Variants in E4F1 observed in about 807,000 individuals in gnomAD.
E4F1 encodes transcription factor E4F1.
Under a neutral mutation model 72.9 loss-of-function variants are expected in E4F1, and 30 were observed. That is an observed-to-expected ratio of 0.41 (90% CI 0.31 to 0.56). E4F1 has a LOEUF of 0.56. Ranked by LOEUF, E4F1 falls within the 20% of genes least tolerant of loss-of-function variation. The probability of loss-of-function intolerance (pLI) is 0.25; values close to 1 mark genes in which losing one functional copy is unlikely to be tolerated. For missense variants in E4F1, 1,091 were observed against 1,117.5 expected (o/e 0.98, Z 0.34); for synonymous variants, 542 against 478.2 (o/e 1.13, Z -1.74).
chr16:2,228,540 T>G lies in E4F1; in HGVS notation c.309+17T>G. 6.2e-7 allele frequency: 1 copy of G among 1,606,582 alleles called. No individual in the cohort carries two copies. Among genetic ancestry groups the G allele is most frequent in the East Asian group, 2.2e-5 (1 of 44,656 alleles). ...GGCCAGGAGGTGAGCCCTCACCCAC[T>G]CCCCCATCCCCTCCCGGGTTCACCT... On this transcript the variant is annotated intron_variant, in intron 2 of 13. Transcript: ENST00000301727.
chr16:2,224,517 C>T (rs981539427), intron 1 of E4F1, among the ~76,000 whole-genome samples: 4 of 152,150 alleles, frequency 2.6e-5, no homozygotes, highest in East Asian at 1.9e-4. Context: ...GGGCTGGGTG[C>T]GGTGGCTCAC....
intron 3 of E4F1, chr16:2,231,954 G>A: frequency 6.7e-6 from 4 of 598,846 alleles, no homozygotes; most frequent in Non-Finnish European, 8.7e-6. Flanking sequence ...TCTCTGGGCA[G>A]CCTGACAGAG....
intron 1 of E4F1, among the ~76,000 whole-genome samples, chr16:2,226,025 A>G (rs1423978815): frequency 2.0e-5 from 3 of 151,972 alleles, no homozygotes; most frequent in Non-Finnish European, 4.4e-5. Context: ...CCCAGGAGGC[A>G]GAGCTTGCAG....
chr16:2,232,453 C>T lies in E4F1; in HGVS notation c.610-3C>T, dbSNP rs780844249. 2 of 1,610,394 alleles carry T rather than the reference C, an allele frequency of 1.2e-6. No homozygotes were observed. Among genetic ancestry groups the T allele is most frequent in the Non-Finnish European group, 1.7e-6 (2 of 1,178,926 alleles). ...CCCTGAGCTGCCACGCCCTCCCCCA[C>T]AGGGCAGCATCCTCAAGGCCCACAT... is the stretch of plus-strand genomic sequence containing the variant. On this transcript the variant is annotated splice_region_variant and splice_polypyrimidine_tract_variant and intron_variant, in intron 4 of 13. Coordinates refer to ENST00000301727, the MANE Select transcript of E4F1 (RefSeq NM_004424.5).
chr16:2,231,363 T>C (rs2141458678), intron 3 of E4F1: 1 of 152,402 alleles, frequency 6.6e-6, no homozygotes, highest in South Asian at 2.1e-4. Context: ...AGATCACTCC[T>C]GGGGCATCGA....
At chr16:2,229,431 G>A (rs949646132) in intron 2 of E4F1, 139 bp from the exon 3 acceptor site, 8 of 819,944 alleles carry the variant, frequency 9.8e-6, no homozygotes, top group East Asian at 2.5e-5. Flanking sequence ...CACCCCAGCC[G>A]TCCCAAGGAC....
At chr16:2,229,916 C>A in intron 3 of E4F1, 1 of 499,950 alleles carries the variant, frequency 2.0e-6, no homozygotes, top group Non-Finnish European at 3.7e-6. Context: ...AGTCATTGGG[C>A]TGTGCTCTCT....
chr16:2,235,338 C>T lies in E4F1; in HGVS notation c.2121C>T (p.Ala707=), dbSNP rs752283262. The change falls in exon 14 of 14, where the codon GCC becomes GCT. Residue 707 remains alanine, a synonymous_variant. Coordinates refer to ENST00000301727, the MANE Select transcript of E4F1 (RefSeq NM_004424.5). The part of the protein sequence containing the change: ...EETALGPEAA[A]ADTITIATPE... Reference sequence around the variant, plus strand: ...CGGCGCTGGGCCCAGAGGCGGCTGCCGCCGACACCATCACCATCGCCACCC... The same window carrying T: ...CGGCGCTGGGCCCAGAGGCGGCTGCTGCCGACACCATCACCATCGCCACCC... 1.2e-5 allele frequency: 20 copies of T among 1,609,936 alleles called. No individual in the cohort carries two copies. The highest frequency in any genetic ancestry group is 2.2e-5 in the East Asian group (1 of 44,882).
chr16:2,229,484 T>C, intron 2 of E4F1, 86 bp from the exon 3 acceptor site: 1 of 1,433,560 alleles, frequency 7.0e-7, no homozygotes, highest in Non-Finnish European at 9.6e-7. Context: ...CTCCACAGCT[T>C]TACACTGGCA....
chr16:2,231,981 C>T, intron 3 of E4F1, 190 bp from the exon 4 acceptor site: 1 of 679,018 alleles, frequency 1.5e-6, no homozygotes, highest in South Asian at 1.9e-5. Flanking sequence ...GGTGTCTCTC[C>T]ACCTCTCACT....
chr16:2,229,766 C>T (rs768941186), intron 3 of E4F1, 91 bp downstream of exon 3: 1 of 1,405,688 alleles, frequency 7.1e-7, no homozygotes, highest in Non-Finnish European at 9.9e-7. Flanking sequence ...CTCGTCTCTC[C>T]CGAGACCAGG....
chr16:2,232,614 C>T (rs773636890), intron 5 of E4F1, 38 bp downstream of exon 5: 1 of 1,609,074 alleles, frequency 6.2e-7, no homozygotes, highest in Non-Finnish European at 8.5e-7. Context: ...CCCGGTAGCA[C>T]CCCGATGGTT....
chr16:2,232,075 G>A, intron 3 of E4F1, 96 bp from the exon 4 acceptor site: 1 of 1,511,618 alleles, frequency 6.6e-7, no homozygotes, highest in South Asian at 1.2e-5. Flanking sequence ...CCAGGGTGTG[G>A]CTCAGAGCAG....
rs371527360 is a variant in E4F1, at chr16:2,235,536, G to A, written c.2319G>A (p.Pro773=). The A allele has an allele frequency of 2.7e-5, 43 of 1,603,348 alleles. No individual in the cohort carries two copies. Among genetic ancestry groups the A allele is most frequent in the Non-Finnish European group, 3.2e-5 (37 of 1,173,646 alleles). Residue 773 remains proline, a synonymous_variant, in exon 14 of 14, where the codon CCG becomes CCA. Transcript: ENST00000301727. ...EHAGELVIAS[P]EGQLEVQTVI... ...CAGGCGAGCTGGTCATCGCCTCGCC[G>A]GAGGGCCAGCTGGAGGTGCAGACGG...
chr16:2,223,912 C>T (rs1258232733), intron 1 of E4F1, 142 bp downstream of exon 1: 45 of 1,531,384 alleles, frequency 2.9e-5, no homozygotes, highest in South Asian at 3.6e-5. Context: ...CCCTCACAGC[C>T]CTCCACGAAA....
intron 2 of E4F1, 39 bp downstream of exon 2, chr16:2,228,562 A>T: frequency 1.3e-6 from 2 of 1,598,570 alleles, no homozygotes; most frequent in East Asian, 2.3e-5. Context: ...TCCCGGGTTC[A>T]CCTGACAGGT....
At chr16:2,229,737 G>T in intron 3 of E4F1, 62 bp downstream of exon 3, 1 of 1,562,566 alleles carries the variant, frequency 6.4e-7, no homozygotes. Flanking sequence ...CAGAGGATGG[G>T]GCCCCTGCTG....
At position 2,230,091 on chromosome 16, in the gene E4F1, G is replaced by A. The variant is rs2093458115; in HGVS notation, c.415+416G>A. 1.7e-5 allele frequency: 4 copies of A among 234,496 alleles called. No individual in the cohort carries two copies. In the South Asian group the frequency reaches 2.1e-4, roughly 13 times the overall value. 14.5% of individuals were successfully genotyped at this position (234,496 alleles called of 1,614,324 possible). On this transcript the variant is annotated intron_variant, in intron 3 of 13. Coordinates refer to ENST00000301727, the MANE Select transcript of E4F1 (RefSeq NM_004424.5). ...AGCGGCTCTGGAGGGTGGGTACAGG[G>A]TGGACGGGACTCTCCCGCCTCTCTA...
intron 2 of E4F1, 58 bp from the exon 3 acceptor site, chr16:2,229,509 TCTC>T: frequency 6.5e-7 from 1 of 1,547,734 alleles, no homozygotes; most frequent in South Asian, 1.1e-5. Context: ...CCAGGCCTCT[TCTC>T]TGAGAACTAA....
Sources: allele counts gnomAD v4.1 joint callset (sites outside exome capture counted in the v4.1 genomes callset), GRCh38; gene constraint gnomAD v4.1.1; transcripts MANE v1.5; gene names NCBI Gene and HGNC (gene_info 2026-07-23, HGNC 2026-07-21).